Variants in NSD3 observed in about 807,000 individuals in gnomAD.
NSD3 encodes nuclear receptor binding SET domain protein 3.
A neutral mutation model predicts 160.8 loss-of-function variants in NSD3; 24 were observed. The ratio of observed to expected loss-of-function variants is 0.15; its 90% CI spans 0.11 to 0.21. The LOEUF is 0.21. Ranked by LOEUF, NSD3 falls within the 10% of genes least tolerant of loss-of-function variation. The pLI is 1.00. For missense variants in NSD3, 1,157 were observed against 1,735.9 expected (o/e 0.67, Z 5.93); for synonymous variants, 520 against 600.0 (o/e 0.87, Z 1.95).
intron 14 of NSD3, among the ~76,000 whole-genome samples, chr8:38,303,039 AAGCCAACATAAT>A (rs958361008): frequency 2.9e-4 from 44 of 152,244 alleles, no homozygotes; most frequent in Admixed American, 2.1e-3. Context: ...GCCCCAACAT[AAGCCAACATAAT>A]AGTTATAAAC....
chr8:38,355,043 G>A (rs904538601), intron 1 of NSD3, among the ~76,000 whole-genome samples: 6 of 152,056 alleles, frequency 3.9e-5, no homozygotes, highest in Non-Finnish European at 5.9e-5. Flanking sequence ...GGAGTCTGGC[G>A]GCCAGCCTTC....
chr8:38,332,053 A>C (rs1248625999), intron 4 of NSD3, among the ~76,000 whole-genome samples: 1 of 152,180 alleles, frequency 6.6e-6, no homozygotes, highest in East Asian at 1.9e-4. Context: ...TAGCCTCTTG[A>C]GCAGGTAAGA....
rs1332398986 is a variant in NSD3 at position 38,288,734 on chromosome 8, A to C, written c.3254T>G (p.Val1085Gly). Residue 1085 changes from valine to glycine, a missense_variant, in exon 19 of 24, where the codon GTG (valine) becomes GGG (glycine). This residue lies in a region of NSD3 where 437 missense variants were observed against 576.6 expected (regional missense o/e 0.76). Coordinates refer to ENST00000317025, the MANE Select transcript of NSD3 (RefSeq NM_023034.2). This position sits in a 1 kb window ranked among gnomAD's most constrained non-coding sequence, Gnocchi z 4.5. ...HIKANKVIGK[V>G]QIQVADLSEI... ...TGACAGGTCAGCAACCTGGATCTGC[A>C]CCTTTCCTATTACTTTGTTAGCCTA... The C allele has an allele frequency of 6.2e-7, 1 of 1,613,756 alleles. No homozygotes were observed. Among genetic ancestry groups the C allele is most frequent in the Non-Finnish European group, 8.5e-7 (1 of 1,179,656 alleles).
In NSD3 at chr8:38,276,374, C is replaced by G. The variant is rs1427497644; in HGVS notation, c.3994G>C (p.Glu1332Gln). Residue 1332 changes from glutamate to glutamine, a missense_variant, in exon 23 of 24, where the codon GAG becomes CAG. This residue lies in a region of NSD3 where 222 missense variants were observed against 409.9 expected (regional missense o/e 0.54). Coordinates refer to ENST00000317025, the MANE Select transcript of NSD3 (RefSeq NM_023034.2). ...DYCFQCGDGG[E>Q]LVMCDKKDCP... is the part of the protein sequence containing the mutation. The stretch of plus-strand genomic sequence containing the variant: ...TCTTTTTTGTCACACATGACCAGCT[C>G]TCCACCATCTCCACATTGAAAACAG... The G allele has an allele frequency of 6.2e-7, 1 of 1,614,110 alleles. No individual in the cohort carries two copies. Among genetic ancestry groups the G allele is most frequent in the Non-Finnish European group, 8.5e-7 (1 of 1,180,048 alleles).
At chr8:38,324,118 T>C (rs1260054472) in intron 7 of NSD3, among the ~76,000 whole-genome samples, 2 of 152,228 alleles carry the variant, frequency 1.3e-5, no homozygotes, top group Non-Finnish European at 2.9e-5. Context: ...CAATTATGGC[T>C]AATATGAAAT....
intron 7 of NSD3, among the ~76,000 whole-genome samples, chr8:38,325,852 G>A (rs1262667393): frequency 2.1e-5 from 3 of 144,114 alleles, no homozygotes; most frequent in African/African-American, 7.8e-5. Flanking sequence ...GTGAGACCCC[G>A]TCTCAAAAAA....
Position 38,329,574 on chromosome 8 carries a change from T to A in NSD3, c.1385A>T (p.Glu462Val). 1 of 1,614,240 alleles carries A rather than the reference T, an allele frequency of 6.2e-7. No homozygotes were observed. Among genetic ancestry groups the A allele is most frequent in the South Asian group, 1.1e-5 (1 of 91,084 alleles). ...QRRHTSAEEE[E>V]PPPVKIAWKT... ...CCAGGCTATTTTAACAGGCGGTGGCTCTTCCTCTTCCGCACTTGTGTGCCG... is the reference window on the plus strand; with the variant it reads ...CCAGGCTATTTTAACAGGCGGTGGCACTTCCTCTTCCGCACTTGTGTGCCG... The change falls in exon 6 of 24, where the codon GAG becomes GTG. Residue 462 changes from glutamate to valine, a missense_variant. Glu to Val is a moderately radical substitution (Grantham distance 121). Around this residue, in one of 10 missense-constraint regions of NSD3, gnomAD observed 168 missense variants for 208.1 expected, o/e 0.81. Coordinates refer to ENST00000317025, the MANE Select transcript of NSD3 (RefSeq NM_023034.2). The surrounding 1 kb of genome is among the most constrained non-coding windows in gnomAD (Gnocchi z 4.8).
intron 2 of NSD3, among the ~76,000 whole-genome samples, chr8:38,346,095 T>A (rs189052606): frequency 3.3e-5 from 5 of 151,652 alleles, no homozygotes; most frequent in Admixed American, 3.3e-4. Context: ...ATTACCCAGT[T>A]TTATTGTCTT....
In NSD3 at chr8:38,329,520, G is replaced by C; in HGVS notation, c.1439C>G (p.Pro480Arg). 1 of 1,614,214 alleles carries C rather than the reference G, an allele frequency of 6.2e-7. No homozygotes were observed. The highest frequency in any genetic ancestry group is 1.1e-5 in the South Asian group (1 of 91,080). ...CCCTTTGTGCATCGTAATGGAAGCTGGTAAGGATTTCCTTGCTGCCGCAGT... is the reference window on the plus strand; with the variant it reads ...CCCTTTGTGCATCGTAATGGAAGCTCGTAAGGATTTCCTTGCTGCCGCAGT... ...WKTAAARKSL[P>R]ASITMHKGSL... The change falls in exon 6 of 24, where the codon CCA becomes CGA. Residue 480 changes from proline (P) to arginine (R), a missense_variant. Physicochemically the swap from Pro to Arg is moderately radical, Grantham distance 103. Transcript: ENST00000317025. This position sits in a 1 kb window ranked among gnomAD's most constrained non-coding sequence, Gnocchi z 4.8.
At chr8:38,376,944 G>C (rs1226752301) in intron 1 of NSD3, among the ~76,000 whole-genome samples, 1 of 152,040 alleles carries the variant, frequency 6.6e-6, no homozygotes, top group Non-Finnish European at 1.5e-5. Context: ...AGCAAAACCT[G>C]CTAACAAACT....
At chr8:38,351,171 G>A (rs1360672192) in intron 1 of NSD3, among the ~76,000 whole-genome samples, 7 of 148,266 alleles carry the variant, frequency 4.7e-5, no homozygotes, top group Non-Finnish European at 1.0e-4. Flanking sequence ...TAGAGACGGG[G>A]TTTCACCGTG....
At chr8:38,338,442 G>T in intron 3 of NSD3, 94 bp downstream of exon 3, 1 of 1,011,556 alleles carries the variant, frequency 9.9e-7, no homozygotes, top group Non-Finnish European at 1.6e-6. Flanking sequence ...AAATTAAGAA[G>T]CGTAGTACCA....
intron 22 of NSD3, 51 bp downstream of exon 22, chr8:38,278,255 G>A (rs1196850168): frequency 6.4e-7 from 1 of 1,554,102 alleles, no homozygotes; most frequent in African/African-American, 1.4e-5. Flanking sequence ...CTTCTTAACA[G>A]CCCTACTCCT....
At position 38,319,203 on chromosome 8, in the gene NSD3, T is replaced by C. The variant is rs1448537441; in HGVS notation, c.1810-263A>G. On this transcript the variant is annotated intron_variant, in intron 8 of 23. Transcript: ENST00000317025. This position sits in a 1 kb window ranked among gnomAD's most constrained non-coding sequence, Gnocchi z 4.1. ...GACTTTTCCCACCATTCCCTTGGTA[T>C]ATGAAGAGAACAAGAATACTTTCCT... 1.3e-5 allele frequency: 5 copies of C among 379,344 alleles called. No homozygotes were observed. The highest frequency in any genetic ancestry group is 9.6e-5 in the East Asian group (2 of 20,816). 23.5% of individuals were successfully genotyped at this position (379,344 alleles called of 1,614,324 possible).
intron 16 of NSD3, among the ~76,000 whole-genome samples, chr8:38,290,937 C>T (rs1262260322): frequency 6.6e-6 from 1 of 151,980 alleles, no homozygotes; most frequent in East Asian, 1.9e-4. Context: ...TGAAAATGTT[C>T]TAAAATGTAA....
Position 38,316,673 on chromosome 8 carries a change from C to A in NSD3, c.1856-631G>T, listed in dbSNP as rs1809672917. The A allele has an allele frequency of 9.5e-7, 1 of 1,054,474 alleles. No individual in the cohort carries two copies. The highest frequency in any genetic ancestry group is 1.7e-5 in the African/African-American group (1 of 60,392). 65.3% of individuals were successfully genotyped at this position (1,054,474 alleles called of 1,614,324 possible). A position where few individuals can be genotyped will look rare whatever the true frequency, so the allele number is the denominator to read the frequency against. ...CATATGTCATGCCATTTAGAAGGCA[C>A]ATTGCTGAGGGCTGTAAATGGACAA... On this transcript the variant is annotated intron_variant, in intron 9 of 23. Coordinates refer to ENST00000317025, the MANE Select transcript of NSD3 (RefSeq NM_023034.2). This position sits in a 1 kb window ranked among gnomAD's most constrained non-coding sequence, Gnocchi z 4.5.
rs1430117434 is a variant in NSD3 at position 38,288,136 on chromosome 8, C to T, written c.3501+351G>A. 3.9e-5 allele frequency among the ~76,000 whole-genome samples: 6 copies of T among 152,118 alleles called. No homozygotes were observed. The East Asian group carries it at 1.2e-3, about 29-fold the overall frequency. Reference sequence around the variant, plus strand: ...GTTCAAGGCTTGAGTGAGCTATGAACACGCCACTGTATTCCAGCATGGGTA... The same window carrying T: ...GTTCAAGGCTTGAGTGAGCTATGAATACGCCACTGTATTCCAGCATGGGTA... On this transcript the variant is annotated intron_variant, in intron 19 of 23. Transcript: ENST00000317025. The surrounding 1 kb of genome is among the most constrained non-coding windows in gnomAD (Gnocchi z 4.5).
intron 13 of NSD3, 105 bp from the exon 14 acceptor site, chr8:38,304,862 A>C: frequency 8.2e-7 from 1 of 1,217,132 alleles, no homozygotes; most frequent in Non-Finnish European, 1.1e-6. Flanking sequence ...TGCTAGTTAC[A>C]GTAGATGGAA....
Position 38,273,905 on chromosome 8 carries a change from G to A in NSD3, c.*1736C>T, listed in dbSNP as rs1049873969. 6.6e-6 allele frequency: 1 copy of A among 152,198 alleles called. No homozygotes were observed. The highest frequency in any genetic ancestry group is 6.5e-5 in the Admixed American group (1 of 15,276). The allele number at this position is 152,198 out of a possible 1,614,324, so 9.4% of individuals were successfully genotyped here. A position where few individuals can be genotyped will look rare whatever the true frequency, so the allele number is the denominator to read the frequency against. ...GGAGCTTCAGTAAAAGAATTGTAGT[G>A]TTTTTTACAAGAGAAAATCCAGTAT... is the stretch of plus-strand genomic sequence containing the variant. On this transcript the variant is annotated 3_prime_UTR_variant, in exon 24 of 24. Coordinates refer to ENST00000317025, the MANE Select transcript of NSD3 (RefSeq NM_023034.2).
Sources: gnomAD v4.1 joint callset for allele counts (sites outside exome capture counted in the v4.1 genomes callset) on GRCh38, gnomAD v4.1.1 for gene constraint, gnomAD v4.1.1 regional missense constraint, Gnocchi (gnomAD v3.1) non-coding constraint, MANE v1.5 for transcripts, NCBI Gene and HGNC (gene_info 2026-07-23, HGNC 2026-07-21) for gene names.